SNX30: variants seen among roughly 807,000 people sequenced by gnomAD.
SNX30 encodes the protein sorting nexin family member 30, also known as sorting nexin-30.
Under a neutral mutation model 46.4 loss-of-function variants are expected in SNX30, and 24 were observed. That is an observed-to-expected ratio of 0.52 (90% confidence interval 0.37 to 0.73). The LOEUF is 0.73. SNX30 is among the 30% of genes least tolerant of loss of function. SNX30 has a pLI of 0.00. For synonymous variants in SNX30, 189 were observed against 211.5 expected (o/e 0.89, Z 0.92); for missense variants, 533 against 555.7 (o/e 0.96, Z 0.41).
At chr9:112,853,582 A>G (rs1841068746) in intron 7 of SNX30, among the ~76,000 whole-genome samples, 1 of 152,260 alleles carries the variant, frequency 6.6e-6, no homozygotes. Context: ...AAAAGTTTGC[A>G]TTTAGCCAGC....
chr9:112,806,599 G>A (rs537424702), intron 2 of SNX30, among the ~76,000 whole-genome samples: 1 of 152,234 alleles, frequency 6.6e-6, no homozygotes, highest in South Asian at 2.1e-4. Flanking sequence ...GGAAAGACAA[G>A]CAGGGAATAA....
At chr9:112,798,121 CTTTTTTT>C (rs57300324) in intron 1 of SNX30, among the ~76,000 whole-genome samples, 1 of 77,884 alleles carries the variant, frequency 1.3e-5, no homozygotes, top group African/African-American at 5.1e-5. Flanking sequence ...TTTTTTTTTT[CTTTTTTT>C]TTTTTTTTTT....
intron 1 of SNX30, among the ~76,000 whole-genome samples, chr9:112,753,153 T>G (rs1839302308): frequency 6.6e-6 from 1 of 152,222 alleles, no homozygotes; most frequent in South Asian, 2.1e-4. Flanking sequence ...TCTTGGAGAC[T>G]GGCTACTACA....
At chr9:112,835,292 G>A (rs1345918966) in intron 4 of SNX30, among the ~76,000 whole-genome samples, 1 of 152,106 alleles carries the variant, frequency 6.6e-6, no homozygotes, top group East Asian at 1.9e-4. Flanking sequence ...CTTAGTGTTT[G>A]ATGATAGGAG....
At chr9:112,767,311 G>C (rs1272178301) in intron 1 of SNX30, among the ~76,000 whole-genome samples, 1 of 152,028 alleles carries the variant, frequency 6.6e-6, no homozygotes, top group East Asian at 1.9e-4. Context: ...AACTGTTATT[G>C]AAGTTGTTTA....
At chr9:112,762,193 A>G (rs1174458427) in intron 1 of SNX30, among the ~76,000 whole-genome samples, 1 of 152,116 alleles carries the variant, frequency 6.6e-6, no homozygotes, top group South Asian at 2.1e-4. Flanking sequence ...CAGCCAGCGC[A>G]GGGATCAGGA....
At position 112,873,008 on chromosome 9, in the gene SNX30, A is replaced by G. The variant is rs929363026; in HGVS notation, c.*4165A>G. ...TCACCAACCCACCCTGTAGATTGTC[A>G]GCTTTTTGTTTGAGAGATGCCTGGT... On this transcript the variant is annotated 3_prime_UTR_variant, in exon 9 of 9. Transcript: ENST00000374232. 6.6e-6 allele frequency: 1 copy of G among 152,192 alleles called. No individual in the cohort carries two copies. Among genetic ancestry groups the G allele is most frequent in the Non-Finnish European group, 1.5e-5 (1 of 68,048 alleles). 9.4% of individuals were successfully genotyped at this position (152,192 alleles called of 1,614,324 possible).
At chr9:112,838,244 A>G (rs1028446959) in intron 5 of SNX30, among the ~76,000 whole-genome samples, 1 of 152,144 alleles carries the variant, frequency 6.6e-6, no homozygotes, top group Non-Finnish European at 1.5e-5. Flanking sequence ...GCTTTTCCCC[A>G]TAAGGCCCAT....
intron 1 of SNX30, among the ~76,000 whole-genome samples, chr9:112,795,396 A>G (rs1346520719): frequency 1.3e-5 from 2 of 152,188 alleles, no homozygotes; most frequent in Non-Finnish European, 2.9e-5. Flanking sequence ...GGTTAGCCTC[A>G]GTTGCTTGTC....
chr9:112,804,399 A>G (rs1163579507), intron 1 of SNX30, among the ~76,000 whole-genome samples: 2 of 152,180 alleles, frequency 1.3e-5, no homozygotes, highest in Non-Finnish European at 1.5e-5. Flanking sequence ...TCGTGACCTC[A>G]GGTGAGCCAC....
rs1230410211 is a variant in SNX30 at position 112,850,980 on chromosome 9, G to A, written c.1101+35G>A. On this transcript the variant is annotated intron_variant, in intron 7 of 8. Coordinates refer to ENST00000374232, the MANE Select transcript of SNX30 (RefSeq NM_001012994.2). ...GCCACCTGGGAAGGGCTGCAAAGCT[G>A]TAGTCTCCCTGCTGGTGCTAAGTAA... is the stretch of plus-strand genomic sequence containing the variant. The A allele has an allele frequency of 3.9e-6, 6 of 1,524,676 alleles. No individual in the cohort carries two copies. In the African/African-American group the frequency reaches 6.8e-5, roughly 17 times the overall value. The allele number at this position is 1,524,676 out of a possible 1,614,324, so 94.4% of individuals were successfully genotyped here.
chr9:112,788,417 C>G (rs1418337353), intron 1 of SNX30, among the ~76,000 whole-genome samples: 1 of 152,102 alleles, frequency 6.6e-6, no homozygotes, highest in Non-Finnish European at 1.5e-5. Flanking sequence ...CAATGAGAAC[C>G]AGGCTTTGTA....
Position 112,843,832 on chromosome 9 carries a change from C to G in SNX30, c.1014+5135C>G, listed in dbSNP as rs566357624. On this transcript the variant is annotated intron_variant, in intron 6 of 8. Transcript: ENST00000374232. ...GTTTCACCATGTTGGTGAGGCTGGT[C>G]TCGAACTCCTGACCTCATGATCCAC... Among the ~76,000 whole-genome samples, 20 of 152,164 alleles carry G rather than the reference C, an allele frequency of 1.3e-4. No individual in the cohort carries two copies. In the South Asian group the frequency reaches 3.7e-3, roughly 28 times the overall value.
At chr9:112,884,376 T>C (rs557296490), downstream of SNX30, among the ~76,000 whole-genome samples, 27 of 152,350 alleles carry the variant, frequency 1.8e-4, no homozygotes, top group Admixed American at 1.7e-3. Flanking sequence ...TACTGGTCTT[T>C]CCTGTTGCTC....
chr9:112,789,414 G>A (rs921706520), intron 1 of SNX30, among the ~76,000 whole-genome samples: 8 of 152,156 alleles, frequency 5.3e-5, no homozygotes, highest in Non-Finnish European at 7.3e-5. Context: ...TCCATTCATG[G>A]AGCTCTGTTC....
At chr9:112,861,382 C>G (rs1841227824) in intron 7 of SNX30, among the ~76,000 whole-genome samples, 1 of 152,168 alleles carries the variant, frequency 6.6e-6, no homozygotes, top group South Asian at 2.1e-4. Context: ...AAGCACTTAA[C>G]ACATATTAGC....
At chr9:112,879,651 G>A (rs897849265), downstream of SNX30, 9 of 961,386 alleles carry the variant, frequency 9.4e-6, no homozygotes, top group Admixed American at 2.0e-5. Flanking sequence ...TGGCTGGAAC[G>A]CAGGTTTCTT....
chr9:112,763,923 A>C (rs2796029), intron 1 of SNX30, among the ~76,000 whole-genome samples: 1 of 151,682 alleles, frequency 6.6e-6, no homozygotes, highest in Non-Finnish European at 1.5e-5. Context: ...TAGATTGTGT[A>C]GTGAAATCCA....
intron 6 of SNX30, among the ~76,000 whole-genome samples, chr9:112,840,358 A>T (rs980718210): frequency 6.6e-6 from 1 of 152,182 alleles, no homozygotes; most frequent in African/African-American, 2.4e-5. Context: ...GACTTTTATT[A>T]AAAAAAATTG....
Sources: allele counts gnomAD v4.1 joint callset (sites outside exome capture counted in the v4.1 genomes callset), GRCh38; gene constraint gnomAD v4.1.1; transcripts MANE v1.5; gene names NCBI Gene and HGNC (gene_info 2026-07-23, HGNC 2026-07-21).